SRRM1: variants seen among roughly 807,000 people sequenced by gnomAD.
SRRM1 encodes the protein serine and arginine repetitive matrix 1.
A neutral mutation model predicts 110.2 loss-of-function variants in SRRM1; 19 were observed. The observed-to-expected ratio is 0.17, with a 90% CI of 0.12 to 0.25. The LOEUF is 0.25. Ranked by LOEUF, SRRM1 falls within the 10% of genes least tolerant of loss-of-function variation. SRRM1 has a pLI of 1.00. For missense variants in SRRM1, 918 were observed against 1,145.8 expected, an observed-to-expected ratio of 0.80 and a Z score of 2.87; for synonymous variants, 443 against 414.9, an observed-to-expected ratio of 1.07 and a Z score of -0.82.
At chr1:24,669,017 C>T in intron 13 of SRRM1, 106 bp from the exon 14 acceptor site, 1 of 814,004 alleles carries the variant, frequency 1.2e-6, no homozygotes, top group East Asian at 2.6e-5. Flanking sequence ...AAATATATTC[C>T]CTTTGCCTAG....
intron 9 of SRRM1, among the ~76,000 whole-genome samples, 189 bp from the exon 10 acceptor site, chr1:24,660,530 A>G (rs968559240): frequency 4.6e-5 from 7 of 152,180 alleles, no homozygotes; most frequent in African/African-American, 1.7e-4. Context: ...TGTGCCTGTA[A>G]TCCCAACACT....
intron 12 of SRRM1, 147 bp from the exon 13 acceptor site, chr1:24,666,668 G>A (rs1046423990): frequency 1.2e-4 from 73 of 590,330 alleles, no homozygotes; most frequent in Non-Finnish European, 1.5e-4. Flanking sequence ...AGGAGGCTGA[G>A]GGGGGAGAAT....
chr1:24,649,847 T>C, intron 4 of SRRM1, 124 bp from the exon 5 acceptor site: 2 of 765,258 alleles, frequency 2.6e-6, no homozygotes, highest in Non-Finnish European at 4.0e-6. Flanking sequence ...AAAGAACAGG[T>C]CTGGTTCAAA....
intron 13 of SRRM1, among the ~76,000 whole-genome samples, chr1:24,667,212 T>G (rs945820950): frequency 3.9e-5 from 6 of 152,190 alleles, no homozygotes; most frequent in African/African-American, 1.4e-4. Flanking sequence ...TCTATAGAGA[T>G]AGAAAACAGA....
chr1:24,650,170 G>A (rs1019222024), intron 5 of SRRM1, 84 bp downstream of exon 5: 19 of 1,306,486 alleles, frequency 1.5e-5, no homozygotes, highest in Non-Finnish European at 1.8e-5. Context: ...GAATCTAACA[G>A]CGCTATTCAA....
Position 24,652,420 on chromosome 1 carries a change from T to G in SRRM1, c.726-14T>G. 1 of 1,497,882 alleles carries G rather than the reference T, an allele frequency of 6.7e-7. No individual in the cohort carries two copies. The highest frequency in any genetic ancestry group is 8.9e-7 in the Non-Finnish European group (1 of 1,119,536). The allele number at this position is 1,497,882 out of a possible 1,614,324, so 92.8% of individuals were successfully genotyped here. ...AGAAGGCAAAAAAAAAAAAAAAAGC[T>G]TTTGTTTCCACAGTGACATTCTGAA... On this transcript the variant is annotated splice_polypyrimidine_tract_variant and intron_variant, in intron 6 of 16. Transcript: ENST00000323848.
In SRRM1 at chr1:24,662,901, G is replaced by T. The variant is rs1027984313; in HGVS notation, c.1628+97G>T. 2.7e-6 allele frequency: 4 copies of T among 1,482,804 alleles called. No homozygotes were observed. In the Admixed American group the frequency reaches 6.0e-5, roughly 22 times the overall value. The allele number at this position is 1,482,804 out of a possible 1,614,324, so 91.9% of individuals were successfully genotyped here. A position where few individuals can be genotyped will look rare whatever the true frequency, so the allele number is the denominator to read the frequency against. ...TTGAGAATTTGGTTAACTCCTTCAA[G>T]TATTTGGATGTGGTTGGATTTTTGT... On this transcript the variant is annotated intron_variant, in intron 12 of 16. Transcript: ENST00000323848.
At chr1:24,654,300 T>A (rs1181978302) in intron 8 of SRRM1, 3 of 1,289,838 alleles carry the variant, frequency 2.3e-6, no homozygotes, top group Non-Finnish European at 3.0e-6. Flanking sequence ...GGTTTCTTTT[T>A]TTCAGGTTCT....
In SRRM1 at chr1:24,669,515, G is replaced by A; in HGVS notation, c.2132G>A (p.Arg711Lys). 1.2e-6 allele frequency: 2 copies of A among 1,610,378 alleles called. No homozygotes were observed. Among genetic ancestry groups the A allele is most frequent in the Non-Finnish European group, 1.7e-6 (2 of 1,178,320 alleles). ...RRGASSSPQR[R>K]QSPSPSTRPI... ...GGAGCGTCGTCATCACCCCAAAGAA[G>A]GCAGTCCCCGTCTCCAAGTACTAGG... is the stretch of plus-strand genomic sequence containing the variant. Residue 711 changes from arginine (R) to lysine (K), a missense_variant, in exon 14 of 17, where the codon AGG becomes AAG. Arg to Lys is a conservative substitution (Grantham distance 26). Transcript: ENST00000323848.
intron 12 of SRRM1, 179 bp from the exon 13 acceptor site, chr1:24,666,636 G>A (rs1670121510): frequency 5.8e-6 from 3 of 520,120 alleles, no homozygotes; most frequent in African/African-American, 2.0e-5. Flanking sequence ...ATGATTATGG[G>A]TGCCTGTAAT....
At chr1:24,646,821 A>G in intron 3 of SRRM1, 32 bp downstream of exon 3, 2 of 1,529,192 alleles carry the variant, frequency 1.3e-6, no homozygotes, top group South Asian at 1.3e-5. Context: ...TTGTTTCTGA[A>G]TATGTGATAT....
intron 8 of SRRM1, chr1:24,654,445 A>G: frequency 9.9e-7 from 1 of 1,011,588 alleles, no homozygotes; most frequent in South Asian, 1.4e-5. Flanking sequence ...AGTTTTGCAC[A>G]TCTTTTTTAA....
At chr1:24,646,498 G>T (rs1047751855) in intron 2 of SRRM1, among the ~76,000 whole-genome samples, 169 bp from the exon 3 acceptor site, 19 of 151,122 alleles carry the variant, frequency 1.3e-4, no homozygotes, top group Non-Finnish European at 2.5e-4. Flanking sequence ...ACTCCAGCCT[G>T]GGCAAGAGTG....
intron 12 of SRRM1, chr1:24,663,266 A>C (rs1486978038): frequency 3.5e-6 from 5 of 1,442,768 alleles, no homozygotes; most frequent in Non-Finnish European, 4.7e-6. Context: ...TACATGTCAA[A>C]AATTGTAGTG....
chr1:24,646,211 C>T, intron 2 of SRRM1, 138 bp downstream of exon 2: 2 of 645,104 alleles, frequency 3.1e-6, no homozygotes, highest in Non-Finnish European at 5.4e-6. Context: ...TTAGCCACCA[C>T]ACGTGGCACA....
rs142145638 is a variant in SRRM1, at chr1:24,646,459, G to A, written c.112-208G>A. Among the ~76,000 whole-genome samples, 103 of 151,758 alleles carry A rather than the reference G, an allele frequency of 6.8e-4. No homozygotes were observed. In the East Asian group the frequency reaches 0.015, roughly 22 times the overall value. On this transcript the variant is annotated intron_variant, in intron 2 of 16. Transcript: ENST00000323848. ...GGAGAATGGCACGAACCTGGGAGGC[G>A]GAGCTTGCAGTGAGCTGAGCACCAC...
chr1:24,650,166 A>C, intron 5 of SRRM1, 80 bp downstream of exon 5: 1 of 1,338,688 alleles, frequency 7.5e-7, no homozygotes, highest in South Asian at 1.8e-5. Context: ...AAAGGAATCT[A>C]ACAGCGCTAT....
At chr1:24,652,351 T>TA in intron 6 of SRRM1, 83 bp from the exon 7 acceptor site, 1 of 1,004,378 alleles carries the variant, frequency 1.0e-6, no homozygotes, top group Non-Finnish European at 1.4e-6. Flanking sequence ...GTTTTAGAAA[T>TA]ACTTTATTAC....
intron 12 of SRRM1, among the ~76,000 whole-genome samples, chr1:24,665,138 A>G (rs1669264737): frequency 6.6e-6 from 1 of 152,142 alleles, no homozygotes; most frequent in Admixed American, 6.5e-5. Context: ...TTAGAAGGGG[A>G]GATAGAGGCC....
Sources: allele counts gnomAD v4.1 joint callset (sites outside exome capture counted in the v4.1 genomes callset), GRCh38; gene constraint gnomAD v4.1.1; transcripts MANE v1.5; gene names NCBI Gene and HGNC (gene_info 2026-07-23, HGNC 2026-07-21).